GRIFIN: variants seen among roughly 807,000 people sequenced by gnomAD.
GRIFIN encodes the protein galectin-related inter-fiber protein, also known as putative grifin.
In GRIFIN, 22 loss-of-function variants were observed where a neutral mutation model predicts 18.2. The ratio of observed to expected loss-of-function variants is 1.21; its 90% CI spans 0.86 to 1.73. The LOEUF is 1.73. GRIFIN is among the 40% of genes most tolerant of loss of function. The pLI, the probability that GRIFIN is intolerant of heterozygous loss-of-function variation, is 0.00. For synonymous variants in GRIFIN, 101 were observed against 82.8 expected, an observed-to-expected ratio of 1.22 and a Z score of -1.19; for missense variants, 200 against 190.1, an observed-to-expected ratio of 1.05 and a Z score of -0.31.
At position 2,474,894 on chromosome 7, in the gene GRIFIN, A is replaced by G. The variant is rs983769382; in HGVS notation, c.420-9T>C. 6 of 571,220 alleles carry G rather than the reference A, an allele frequency of 1.1e-5. No homozygotes were observed. Among genetic ancestry groups the G allele is most frequent in the Non-Finnish European group, 1.6e-5 (5 of 320,662 alleles). The allele number at this position is 571,220 out of a possible 1,614,324, so 35.4% of individuals were successfully genotyped here. A position where few individuals can be genotyped will look rare whatever the true frequency, so the allele number is the denominator to read the frequency against. ...CTCAGTAGCCCCGGTCCCTGCAAAC[A>G]TCCAAGGCACGTCCCTAGCTCCTGC... On this transcript the variant is annotated splice_polypyrimidine_tract_variant and intron_variant, in intron 4 of 4. Transcript: ENST00000614228.
chr7:2,476,226 G>T (rs923248700), intron 1 of GRIFIN, 146 bp downstream of exon 1: 5 of 1,042,806 alleles, frequency 4.8e-6, no homozygotes, highest in Non-Finnish European at 7.0e-6. Context: ...GCTCTGGGGG[G>T]ACCTTCACCC....
intron 4 of GRIFIN, 32 bp downstream of exon 4, chr7:2,475,109 G>T: frequency 6.4e-7 from 1 of 1,551,538 alleles, no homozygotes. Flanking sequence ...GGCAGGAATG[G>T]GCAGGGACCT....
chr7:2,475,368 C>T (rs1778940926), intron 3 of GRIFIN, 61 bp from the exon 4 acceptor site: 10 of 1,518,012 alleles, frequency 6.6e-6, no homozygotes, highest in Non-Finnish European at 7.9e-6. Flanking sequence ...TCTGGTCCCG[C>T]TTTTAACGGT....
At position 2,475,289 on chromosome 7, in the gene GRIFIN, C is replaced by T. The variant is rs766279693; in HGVS notation, c.271G>A (p.Ala91Thr). The T allele has an allele frequency of 1.4e-5, 23 of 1,594,692 alleles. No homozygotes were observed. The highest frequency in any genetic ancestry group is 1.3e-4 in the East Asian group (6 of 44,708). The change falls in exon 4 of 5, where the codon GCG becomes ACG. Residue 91 changes from alanine (A) to threonine (T), a missense_variant. Coordinates refer to ENST00000614228, the MANE Select transcript of GRIFIN (RefSeq NM_001394787.1). ...EPFEIEVSWD[A>T]EHFHVYAPEH... ...GGGGCGTAGACGTGGAAGTGCTCCG[C>T]GTCCCAGCTGACCTCTATCTGGGCA... is the stretch of plus-strand genomic sequence containing the variant.
intron 3 of GRIFIN, 70 bp from the exon 4 acceptor site, chr7:2,475,377 G>A: frequency 6.7e-7 from 1 of 1,499,286 alleles, no homozygotes; most frequent in Non-Finnish European, 8.9e-7. Context: ...GCTTTTAACG[G>A]TGATGTGCCT....
chr7:2,475,024 C>G (rs1778930109), intron 4 of GRIFIN, 117 bp downstream of exon 4: 1 of 1,248,660 alleles, frequency 8.0e-7, no homozygotes. Flanking sequence ...GCCAGGCAGA[C>G]AACCCCTCCC....
rs1198854727 is a variant in GRIFIN, at chr7:2,475,135, C to A, written c.419+6G>T. ...GCAGGGACCTGGGTAGAGGCAGGGA[C>A]TTTACCCCCAGCTCAGGCCCCTCTT... On this transcript the variant is annotated splice_donor_region_variant and intron_variant, in intron 4 of 4. Coordinates refer to ENST00000614228, the MANE Select transcript of GRIFIN (RefSeq NM_001394787.1). 4 of 1,574,818 alleles carry A rather than the reference C, an allele frequency of 2.5e-6. No homozygotes were observed. The highest frequency in any genetic ancestry group is 3.4e-6 in the Non-Finnish European group (4 of 1,168,502).
intron 3 of GRIFIN, 176 bp downstream of exon 3, chr7:2,475,493 G>T: frequency 8.5e-7 from 1 of 1,172,156 alleles, no homozygotes; most frequent in Non-Finnish European, 1.2e-6. Context: ...GTGGCTGGTA[G>T]CCAGGGTGGT....
At chr7:2,475,444 G>C in intron 3 of GRIFIN, 137 bp from the exon 4 acceptor site, 1 of 1,272,388 alleles carries the variant, frequency 7.9e-7, no homozygotes, top group African/African-American at 1.5e-5. Flanking sequence ...TTGGCTTGGA[G>C]CCCCCAGCCC....
At chr7:2,475,512 AC>A in intron 3 of GRIFIN, 156 bp downstream of exon 3, 1 of 1,168,396 alleles carries the variant, frequency 8.6e-7, no homozygotes, top group Non-Finnish European at 1.2e-6. Context: ...GTGGGTACCT[AC>A]TGCACACGTA....
At chr7:2,476,339 G>T in intron 1 of GRIFIN, 33 bp downstream of exon 1, 1 of 1,563,098 alleles carries the variant, frequency 6.4e-7, no homozygotes, top group Non-Finnish European at 8.6e-7. Flanking sequence ...GCCCTGCACC[G>T]TTCTCCTTCT....
In GRIFIN at chr7:2,475,225, G is replaced by A. The variant is rs781700249; in HGVS notation, c.335C>T (p.Pro112Leu). The A allele has an allele frequency of 1.0e-5, 16 of 1,597,016 alleles. No homozygotes were observed. In the East Asian group the frequency reaches 1.3e-4, roughly 13 times the overall value. The stretch of plus-strand genomic sequence containing the variant: ...GCGCACCCTGGTGGTGGCGCCCAGC[G>A]GCCTCTGACGGCATGGGAACTGTAG... ...KVLQFPCRQRPLGATTRVRVL... is the reference protein window; with the variant it reads ...KVLQFPCRQRLLGATTRVRVL... The change falls in exon 4 of 5, where the codon CCG becomes CTG. Residue 112 changes from proline to leucine, a missense_variant. Physicochemically the swap from Pro to Leu is moderately conservative, Grantham distance 98. Transcript: ENST00000614228.
chr7:2,476,186 G>T, intron 1 of GRIFIN, 186 bp downstream of exon 1: 1 of 359,030 alleles, frequency 2.8e-6, no homozygotes, highest in Non-Finnish European at 3.9e-6. Context: ...CAGGGCTGGG[G>T]TGGGAGGGAC....
At chr7:2,475,024 C>A (rs1778930109) in intron 4 of GRIFIN, 117 bp downstream of exon 4, 7 of 1,248,660 alleles carry the variant, frequency 5.6e-6, no homozygotes, top group Middle Eastern at 5.5e-4. Flanking sequence ...GCCAGGCAGA[C>A]AACCCCTCCC....
intron 3 of GRIFIN, 44 bp from the exon 4 acceptor site, chr7:2,475,351 C>A (rs1053390882): frequency 3.2e-6 from 5 of 1,554,348 alleles, no homozygotes; most frequent in Non-Finnish European, 4.3e-6. Context: ...GCCCCCAGGG[C>A]CTGGGGTCTG....
rs377199129 is a variant in GRIFIN, at chr7:2,475,126, A to C, written c.419+15T>G. 2,926 of 1,568,770 alleles carry C rather than the reference A, an allele frequency of 1.9e-3. 7 individuals carry two copies. Among genetic ancestry groups the C allele is most frequent in the Middle Eastern group, 4.8e-3 (22 of 4,562 alleles). On this transcript the variant is annotated intron_variant, in intron 4 of 4. Coordinates refer to ENST00000614228, the MANE Select transcript of GRIFIN (RefSeq NM_001394787.1). The stretch of plus-strand genomic sequence containing the variant: ...CAGGAATGGGCAGGGACCTGGGTAG[A>C]GGCAGGGACTTTACCCCCAGCTCAG...
intron 2 of GRIFIN, 31 bp from the exon 3 acceptor site, chr7:2,475,859 G>A (rs1260685205): frequency 7.6e-6 from 12 of 1,583,042 alleles, no homozygotes; most frequent in Non-Finnish European, 1.0e-5. Context: ...GTCAAGAGCT[G>A]CAAAGAGCTG....
At chr7:2,476,323 C>A in intron 1 of GRIFIN, 49 bp downstream of exon 1, 1 of 1,544,580 alleles carries the variant, frequency 6.5e-7, no homozygotes, top group Non-Finnish European at 8.7e-7. Flanking sequence ...GCTCAGGGAG[C>A]CCCCAGCCCT....
Position 2,475,720 on chromosome 7 carries a change from G to T in GRIFIN, c.201C>A (p.Gly67=), listed in dbSNP as rs1173922731. 2 of 1,551,006 alleles carry T rather than the reference G, an allele frequency of 1.3e-6. No homozygotes were observed. The stretch of plus-strand genomic sequence containing the variant: ...GGAAGATGCTAGACACCTGCTCCGG[G>T]CCCCAGCGGCCGTACTGGAAGGCAT... ...VGNAFQYGRW[G]PEQVSSIFPL... Residue 67 remains glycine, a synonymous_variant, in exon 3 of 5, where the codon GGC becomes GGA. Transcript: ENST00000614228.
Sources: gnomAD v4.1 joint callset for allele counts on GRCh38, gnomAD v4.1.1 for gene constraint, MANE v1.5 for transcripts, NCBI Gene and HGNC (gene_info 2026-07-23, HGNC 2026-07-21) for gene names.